ATP13A4: variants seen among roughly 807,000 people sequenced by gnomAD.
ATP13A4 encodes probable cation-transporting ATPase 13A4.
A neutral mutation model predicts 142.5 loss-of-function variants in ATP13A4; 114 were observed. The observed-to-expected ratio is 0.80, with a 90% CI of 0.69 to 0.93. The LOEUF (loss-of-function observed/expected upper bound fraction) is 0.93. Among genes scored for constraint, ATP13A4 ranks in the 40% least tolerant of loss-of-function variants. The pLI is 0.00. For missense variants in ATP13A4, 1,392 were observed against 1,454.0 expected, an observed-to-expected ratio of 0.96 and a Z score of 0.69; for synonymous variants, 488 against 514.8, an observed-to-expected ratio of 0.95 and a Z score of 0.70.
chr3:193,516,612 A>G (rs1721429424), intron 1 of ATP13A4, among the ~76,000 whole-genome samples: 2 of 152,084 alleles, frequency 1.3e-5, no homozygotes, highest in African/African-American at 2.4e-5. Flanking sequence ...TGCTTTTTCT[A>G]TGTTTCAACA....
chr3:193,534,269 A>C (rs1272508699), intron 1 of ATP13A4, among the ~76,000 whole-genome samples: 3 of 152,208 alleles, frequency 2.0e-5, no homozygotes, highest in Non-Finnish European at 4.4e-5. Context: ...CGATGACATT[A>C]AGTTTTAAAT....
At chr3:193,517,699 T>G (rs944282889) in intron 1 of ATP13A4, among the ~76,000 whole-genome samples, 4 of 146,864 alleles carry the variant, frequency 2.7e-5, no homozygotes, top group Admixed American at 2.7e-4. Context: ...TTGGCCAGGA[T>G]GGTCTCATCT....
intron 29 of ATP13A4, chr3:193,403,661 G>A (rs1714356340): frequency 5.5e-6 from 4 of 727,344 alleles, no homozygotes; most frequent in South Asian, 6.2e-5. Context: ...ATTTTGCAAT[G>A]CCATTTTATT....
intron 1 of ATP13A4, among the ~76,000 whole-genome samples, chr3:193,536,668 C>T (rs570531263): frequency 2.0e-5 from 3 of 152,074 alleles, no homozygotes; most frequent in South Asian, 4.1e-4. Flanking sequence ...AAAAGGCATA[C>T]AGAAATAAAA....
At chr3:193,464,713 G>T (rs537285767) in intron 12 of ATP13A4, among the ~76,000 whole-genome samples, 16 of 152,214 alleles carry the variant, frequency 1.1e-4, no homozygotes, top group African/African-American at 3.9e-4. Flanking sequence ...TATCAAAGCT[G>T]GAAGGACCCA....
intron 2 of ATP13A4, among the ~76,000 whole-genome samples, chr3:193,574,030 T>C (rs1046922287): frequency 1.3e-5 from 2 of 152,180 alleles, no homozygotes; most frequent in African/African-American, 4.8e-5. Context: ...CATACAGACA[T>C]GTATATATGT....
At chr3:193,542,286 A>G (rs1458570678) in intron 1 of ATP13A4, among the ~76,000 whole-genome samples, 1 of 152,222 alleles carries the variant, frequency 6.6e-6, no homozygotes, top group African/African-American at 2.4e-5. Flanking sequence ...AATCTCTTCA[A>G]GGAGAATTAG....
At chr3:193,402,907 G>A in intron 29 of ATP13A4, 43 bp from the exon 30 acceptor site, 1 of 1,567,504 alleles carries the variant, frequency 6.4e-7, no homozygotes, top group East Asian at 2.3e-5. Flanking sequence ...AGGGTTGAGT[G>A]TTTTGAGGCT....
chr3:193,430,756 T>A (rs1351315006), intron 25 of ATP13A4, among the ~76,000 whole-genome samples: 1 of 151,780 alleles, frequency 6.6e-6, no homozygotes, highest in Non-Finnish European at 1.5e-5. Context: ...TGGGTAGAGG[T>A]GAAGTTGGTG....
intron 2 of ATP13A4, among the ~76,000 whole-genome samples, chr3:193,505,911 G>A (rs1170138234): frequency 6.6e-6 from 1 of 152,172 alleles, no homozygotes; most frequent in African/African-American, 2.4e-5. Context: ...ACTGTCTGAA[G>A]CTAATTTTCT....
At chr3:193,485,269 C>CA (rs1719537662) in intron 7 of ATP13A4, among the ~76,000 whole-genome samples, 1 of 151,800 alleles carries the variant, frequency 6.6e-6, no homozygotes, top group Non-Finnish European at 1.5e-5. Context: ...AGAAATAAGT[C>CA]AAAGCAGCAG....
At chr3:193,549,919 C>T (rs1205315386) in intron 1 of ATP13A4, among the ~76,000 whole-genome samples, 1 of 152,016 alleles carries the variant, frequency 6.6e-6, no homozygotes, top group Non-Finnish European at 1.5e-5. Flanking sequence ...TCTTGTTTTG[C>T]CATGATGCAA....
intron 17 of ATP13A4, among the ~76,000 whole-genome samples, chr3:193,453,607 G>GT (rs933940815): frequency 1.2e-4 from 18 of 151,588 alleles, no homozygotes; most frequent in East Asian, 1.9e-4. Flanking sequence ...AGTTTTCCTT[G>GT]TTTTTTTTGT....
rs759877507 is a variant in ATP13A4 at position 193,441,560 on chromosome 3, A to G, written c.2345T>C (p.Val782Ala). 32 of 1,613,354 alleles carry G rather than the reference A, an allele frequency of 2.0e-5. No individual in the cohort carries two copies. The highest frequency in any genetic ancestry group is 2.6e-5 in the Non-Finnish European group (31 of 1,179,498). Reference sequence around the variant, plus strand: ...ACTTCCTTCTCTGCCTTTATCAGAGACTTCATCCCTGATGTTAATGTAATT... The same window carrying G: ...ACTTCCTTCTCTGCCTTTATCAGAGGCTTCATCCCTGATGTTAATGTAATT... ...QDNYINIRDE[V>A]SDKGREGSYH... Residue 782 changes from valine (V) to alanine (A), a missense_variant, in exon 20 of 30, where the codon GTC becomes GCC. Physicochemically the swap from Val to Ala is moderately conservative, Grantham distance 64. Transcript: ENST00000342695.
chr3:193,542,126 A>T (rs1167319838), intron 1 of ATP13A4, among the ~76,000 whole-genome samples: 1 of 152,210 alleles, frequency 6.6e-6, no homozygotes, highest in Non-Finnish European at 1.5e-5. Flanking sequence ...ACTTCAGCAA[A>T]GTCTCAGGAT....
At chr3:193,440,326 G>GA (rs1016770467) in intron 21 of ATP13A4, 44 of 712,482 alleles carry the variant, frequency 6.2e-5, no homozygotes, top group African/African-American at 7.3e-5. Context: ...TGACTTAAGT[G>GA]AAAAAAAATA....
chr3:193,488,385 C>T (rs1257125979), intron 7 of ATP13A4, among the ~76,000 whole-genome samples: 1 of 151,974 alleles, frequency 6.6e-6, no homozygotes, highest in African/African-American at 2.4e-5. Flanking sequence ...AAATATGGTC[C>T]TAGTGGATGT....
At chr3:193,474,442 A>G (rs1251098486) in intron 8 of ATP13A4, among the ~76,000 whole-genome samples, 1 of 150,272 alleles carries the variant, frequency 6.7e-6, no homozygotes, top group Non-Finnish European at 1.5e-5. Context: ...AAGCTGAGGT[A>G]GGAGGATTAC....
At chr3:193,578,516 C>T (rs1724459307) in intron 2 of ATP13A4, among the ~76,000 whole-genome samples, 2 of 152,076 alleles carry the variant, frequency 1.3e-5, no homozygotes, top group African/African-American at 4.8e-5. Context: ...TGTGTGTCAA[C>T]TTGACTGGAT....
Sources: gnomAD v4.1 joint callset for allele counts (sites outside exome capture counted in the v4.1 genomes callset) on GRCh38, gnomAD v4.1.1 for gene constraint, MANE v1.5 for transcripts, NCBI Gene and HGNC (gene_info 2026-07-23, HGNC 2026-07-21) for gene names.